Variants in SIRPG observed in about 807,000 individuals in gnomAD.
SIRPG encodes signal-regulatory protein gamma.
A neutral mutation model predicts 35.7 loss-of-function variants in SIRPG; 38 were observed. The observed-to-expected ratio is 1.06, with a 90% CI of 0.82 to 1.40. The LOEUF is 1.40. SIRPG is among the 40% of genes most tolerant of loss of function. SIRPG has a pLI of 0.00. For missense variants in SIRPG, 519 were observed against 483.0 expected (o/e 1.07, Z -0.70); for synonymous variants, 215 against 190.4 (o/e 1.13, Z -1.06).
chr20:1,634,260 G>A (rs1048533970), intron 4 of SIRPG, among the ~76,000 whole-genome samples: 1 of 147,230 alleles, frequency 6.8e-6, no homozygotes, highest in African/African-American at 2.5e-5. Context: ...AGGCTGGAGT[G>A]CAGTGGCATG....
the SIRPG span, among the ~76,000 whole-genome samples, chr20:1,675,669 G>A: frequency 6.6e-6 from 1 of 152,212 alleles, no homozygotes; most frequent in Middle Eastern, 3.4e-3. Flanking sequence ...TACCCTGTTT[G>A]CTCCAAGAAT....
At chr20:1,666,139 G>A in the SIRPG span, among the ~76,000 whole-genome samples, 27 of 149,476 alleles carry the variant, frequency 1.8e-4, no homozygotes, top group Non-Finnish European at 3.6e-4. Context: ...AAAAAAAAAA[G>A]ACAAAGTTCT....
At chr20:1,643,763 C>A (rs2091874755) in intron 2 of SIRPG, among the ~76,000 whole-genome samples, 1 of 152,068 alleles carries the variant, frequency 6.6e-6, no homozygotes, top group South Asian at 2.1e-4. Flanking sequence ...TTTGTGGGGA[C>A]TTTTTTTGTT....
chr20:1,649,712 C>T lies in SIRPG; in HGVS notation c.74-304G>A, dbSNP rs565536158. 4.2e-5 allele frequency among the ~76,000 whole-genome samples: 6 copies of T among 143,286 alleles called. No individual in the cohort carries two copies. In the South Asian group the frequency reaches 9.2e-4, roughly 22 times the overall value. 94.0% of individuals were successfully genotyped at this position (143,286 alleles called of 152,430 possible). A position where few individuals can be genotyped will look rare whatever the true frequency, so the allele number is the denominator to read the frequency against. On this transcript the variant is annotated intron_variant, in intron 1 of 5. Coordinates refer to ENST00000303415, the MANE Select transcript of SIRPG (RefSeq NM_018556.4). The stretch of plus-strand genomic sequence containing the variant: ...AGTGCTGAGGCATAATCATGGCTCA[C>T]GGCAACTTCAACCTCTCAGGTTCAA...
intron 2 of SIRPG, 147 bp downstream of exon 2, chr20:1,648,905 A>T (rs1338513922): frequency 1.3e-6 from 1 of 752,674 alleles, no homozygotes; most frequent in East Asian, 2.5e-5. Flanking sequence ...CTGGGCTTCA[A>T]CTCACCTGAT....
the SIRPG span, among the ~76,000 whole-genome samples, chr20:1,682,438 C>A: frequency 6.6e-6 from 1 of 151,968 alleles, no homozygotes; most frequent in Non-Finnish European, 1.5e-5. Context: ...ACACAGGCCC[C>A]AAAAATGCAT....
chr20:1,657,612 G>A, intron 1 of SIRPG, 30 bp downstream of exon 1: 1 of 1,610,146 alleles, frequency 6.2e-7, no homozygotes, highest in Non-Finnish European at 8.5e-7. Context: ...GAAGCAGGGA[G>A]AAAGGGTTCT....
the SIRPG span, among the ~76,000 whole-genome samples, chr20:1,685,377 G>C: frequency 3.3e-5 from 5 of 152,060 alleles, no homozygotes; most frequent in Non-Finnish European, 7.4e-5. Flanking sequence ...GAGGTCATTG[G>C]GGGGGTCTTA....
chr20:1,684,531 T>C, the SIRPG span, among the ~76,000 whole-genome samples: 2 of 152,200 alleles, frequency 1.3e-5, no homozygotes, highest in African/African-American at 2.4e-5. Context: ...CTCAGTAAAA[T>C]ATTTGGCACA....
chr20:1,667,050 C>T, the SIRPG span, among the ~76,000 whole-genome samples: 1 of 152,072 alleles, frequency 6.6e-6, no homozygotes, highest in Non-Finnish European at 1.5e-5. Flanking sequence ...CTGTGCATCA[C>T]CACACGTAGT....
In SIRPG at chr20:1,651,641, G is replaced by A. The variant is rs148846813; in HGVS notation, c.74-2233C>T. ...AATGAGGAGGGGATTATTCTAAACC[G>A]GGGTAGCAAATTCCTAGGAGATGCA... is the stretch of plus-strand genomic sequence containing the variant. On this transcript the variant is annotated intron_variant, in intron 1 of 5. Coordinates refer to ENST00000303415, the MANE Select transcript of SIRPG (RefSeq NM_018556.4). Among the ~76,000 whole-genome samples, 37 of 152,114 alleles carry A rather than the reference G, an allele frequency of 2.4e-4. 1 individual carries two copies. The East Asian group carries it at 6.8e-3, about 28-fold the overall frequency.
the SIRPG span, among the ~76,000 whole-genome samples, chr20:1,682,044 T>G: frequency 4.6e-5 from 7 of 152,164 alleles, no homozygotes; most frequent in Non-Finnish European, 1.0e-4. Flanking sequence ...TCCTCACACC[T>G]ACCCTTCATG....
intron 1 of SIRPG, among the ~76,000 whole-genome samples, chr20:1,655,609 TGTG>T (rs1274418090): frequency 6.6e-6 from 1 of 152,186 alleles, no homozygotes; most frequent in Non-Finnish European, 1.5e-5. Context: ...TATTGTACAA[TGTG>T]GTGTTTATAC....
intron 2 of SIRPG, chr20:1,646,677 T>TC (rs1315371873): frequency 3.9e-5 from 6 of 152,996 alleles, no homozygotes; most frequent in African/African-American, 1.4e-4. Context: ...GATGGAGTTT[T>TC]GCTCTTGTTG....
chr20:1,630,666 G>A (rs2091742738), intron 4 of SIRPG: 1 of 237,596 alleles, frequency 4.2e-6, no homozygotes, highest in Non-Finnish European at 8.2e-6. Flanking sequence ...GGATTTTAGG[G>A]AGGGTCACAA....
chr20:1,652,436 C>T (rs6110793), intron 1 of SIRPG, among the ~76,000 whole-genome samples: 78 of 152,298 alleles, frequency 5.1e-4, no homozygotes, highest in African/African-American at 1.7e-3. Flanking sequence ...TTTGTTGATG[C>T]AACAATCCTC....
chr20:1,670,039 G>C, the SIRPG span: 2 of 260,134 alleles, frequency 7.7e-6, no homozygotes, highest in Non-Finnish European at 1.7e-5. Flanking sequence ...GGGCAGATAT[G>C]TTCACCAGGA....
intron 1 of SIRPG, among the ~76,000 whole-genome samples, chr20:1,655,856 ACC>A (rs1049233847): frequency 6.6e-5 from 10 of 152,134 alleles, no homozygotes; most frequent in African/African-American, 2.2e-4. Flanking sequence ...TAGAAAGAGA[ACC>A]AATGATTAAA....
intron 4 of SIRPG, among the ~76,000 whole-genome samples, chr20:1,634,401 G>A (rs2091775569): frequency 6.6e-6 from 1 of 151,684 alleles, no homozygotes; most frequent in African/African-American, 2.4e-5. Context: ...TAGAGATGGG[G>A]TTTCACCGTG....
Sources: gnomAD v4.1 joint callset for allele counts (sites outside exome capture counted in the v4.1 genomes callset) on GRCh38, gnomAD v4.1.1 for gene constraint, MANE v1.5 for transcripts, NCBI Gene and HGNC (gene_info 2026-07-23, HGNC 2026-07-21) for gene names.